The following SUDS3 variants were observed in gnomAD, a reference collection of about 807,000 sequenced individuals.
SUDS3 encodes the protein sin3 histone deacetylase corepressor complex component SDS3.
A neutral mutation model predicts 53.5 loss-of-function variants in SUDS3; 23 were observed. The observed-to-expected ratio is 0.43, with a 90% confidence interval of 0.31 to 0.61. The LOEUF (loss-of-function observed/expected upper bound fraction) is 0.61, where lower values mean the gene tolerates loss of function less well. SUDS3 is among the 20% of genes least tolerant of loss of function. The pLI, the probability that SUDS3 is intolerant of heterozygous loss-of-function variation, is 0.10. For synonymous variants in SUDS3, 150 were observed against 148.5 expected, an observed-to-expected ratio of 1.01 and a Z score of -0.08; for missense variants, 291 against 405.9, an observed-to-expected ratio of 0.72 and a Z score of 2.43.
At chr12:118,393,602 G>A (rs1325979058) in intron 6 of SUDS3, among the ~76,000 whole-genome samples, 1 of 152,004 alleles carries the variant, frequency 6.6e-6, no homozygotes, top group Non-Finnish European at 1.5e-5. Flanking sequence ...TTGATAAAAT[G>A]CAGATTCTGT....
intron 10 of SUDS3, among the ~76,000 whole-genome samples, chr12:118,406,063 T>C (rs1361920023): frequency 6.6e-6 from 1 of 152,228 alleles, no homozygotes; most frequent in East Asian, 1.9e-4. Context: ...GCCTTGGTCT[T>C]ATACTGCTTT....
At chr12:118,394,218 C>T (rs1392893334) in intron 6 of SUDS3, among the ~76,000 whole-genome samples, 2 of 152,162 alleles carry the variant, frequency 1.3e-5, no homozygotes, top group East Asian at 3.8e-4. Flanking sequence ...ATAGAACCTA[C>T]TGCAGAGGGT....
chr12:118,388,256 A>G (rs1231344824), intron 4 of SUDS3, among the ~76,000 whole-genome samples: 1 of 152,196 alleles, frequency 6.6e-6, no homozygotes, highest in Admixed American at 6.5e-5. Context: ...TCTGTCAACA[A>G]CTGTTAACAT....
At chr12:118,405,095 C>G (rs1297977696) in intron 10 of SUDS3, among the ~76,000 whole-genome samples, 2 of 152,178 alleles carry the variant, frequency 1.3e-5, no homozygotes, top group Non-Finnish European at 2.9e-5. Flanking sequence ...TGTCTCAGAA[C>G]ACATCGCCAC....
intron 6 of SUDS3, among the ~76,000 whole-genome samples, chr12:118,392,940 G>T (rs887086256): frequency 1.3e-5 from 2 of 152,212 alleles, no homozygotes; most frequent in Non-Finnish European, 2.9e-5. Flanking sequence ...GTGACTTGAG[G>T]CTGAGCCTGC....
At position 118,376,723 on chromosome 12, in the gene SUDS3, C is replaced by CGGCCCA; in HGVS notation, c.36_41dup (p.Gln13_Ala14dup). 2 of 1,524,808 alleles carry CGGCCCA rather than the reference C, an allele frequency of 1.3e-6. No individual in the cohort carries two copies. The highest frequency in any genetic ancestry group is 2.6e-5 in the East Asian group (1 of 39,072). 94.5% of individuals were successfully genotyped at this position (1,524,808 alleles called of 1,614,324 possible). A position where few individuals can be genotyped will look rare whatever the true frequency, so the allele number is the denominator to read the frequency against. Reference sequence around the variant, plus strand: ...GCCGCGGGGCTGCTGGCCCCGGCCCCGGCCCAGGCTGGAGCGCCGCCGGCC... The same window carrying CGGCCCA: ...GCCGCGGGGCTGCTGGCCCCGGCCCCGGCCCAGGCCCAGGCTGGAGCGCCGCCGGCC... On this transcript the variant is annotated inframe_insertion, in exon 1 of 12. Transcript: ENST00000543473.
chr12:118,396,101 T>G (rs1199461727), intron 6 of SUDS3, among the ~76,000 whole-genome samples: 2 of 152,202 alleles, frequency 1.3e-5, no homozygotes, highest in East Asian at 3.8e-4. Flanking sequence ...GCATGATGTC[T>G]GCTAGGATTG....
chr12:118,397,679 G>C lies in SUDS3; in HGVS notation c.518-2980G>C, dbSNP rs139778762. On this transcript the variant is annotated intron_variant, in intron 6 of 11. Transcript: ENST00000543473. ...CTTCCTTCTGCAAAGCAGTCTTTTG[G>C]ATAAAATTAATCAGATTGTTGCTGT... is the stretch of plus-strand genomic sequence containing the variant. Among the ~76,000 whole-genome samples, 938 of 152,058 alleles carry C rather than the reference G, an allele frequency of 6.2e-3. 5 individuals are homozygous for C. The highest frequency in any genetic ancestry group is 0.021 in the African/African-American group (870 of 41,450).
chr12:118,399,548 CTGATT>C (rs1441766005), intron 6 of SUDS3, among the ~76,000 whole-genome samples: 1 of 152,008 alleles, frequency 6.6e-6, no homozygotes, highest in African/African-American at 2.4e-5. Flanking sequence ...ACAAAACGAT[CTGATT>C]TGTGTCTCAG....
In SUDS3 at chr12:118,376,565, A is replaced by T. The variant is rs1406042181; in HGVS notation, c.-127A>T. The T allele has an allele frequency of 5.1e-6, 6 of 1,182,648 alleles. No homozygotes were observed. Among genetic ancestry groups the T allele is most frequent in the Non-Finnish European group, 6.4e-6 (6 of 937,210 alleles). 73.3% of individuals were successfully genotyped at this position (1,182,648 alleles called of 1,614,324 possible). ...GGGGCGGAGCTCGGCGGAGACGGGG[A>T]AGGGGTCGCCGTGGCTGCCGGTCCT... On this transcript the variant is annotated 5_prime_UTR_variant, in exon 1 of 12. Transcript: ENST00000543473.
chr12:118,412,324 G>T (rs1014736999), intron 11 of SUDS3, among the ~76,000 whole-genome samples: 1 of 152,238 alleles, frequency 6.6e-6, no homozygotes, highest in Non-Finnish European at 1.5e-5. Context: ...CTATGTGTCT[G>T]CCCTCTGTAA....
At chr12:118,390,628 T>A (rs926079981) in intron 5 of SUDS3, among the ~76,000 whole-genome samples, 1 of 152,210 alleles carries the variant, frequency 6.6e-6, no homozygotes, top group African/African-American at 2.4e-5. Flanking sequence ...CATAGGCCCC[T>A]ATGTCAGTCA....
chr12:118,413,826 A>G (rs1368710525), intron 11 of SUDS3, among the ~76,000 whole-genome samples: 2 of 152,184 alleles, frequency 1.3e-5, no homozygotes, highest in Admixed American at 1.3e-4. Flanking sequence ...TTAGCTCATT[A>G]GTGGGCATTT....
rs1449529855 is a variant in SUDS3 at position 118,415,228 on chromosome 12, C to T, written c.*795C>T. The T allele has an allele frequency of 1.3e-5, 2 of 152,236 alleles. No individual in the cohort carries two copies. The highest frequency in any genetic ancestry group is 4.8e-5 in the African/African-American group (2 of 41,450). 9.4% of individuals were successfully genotyped at this position (152,236 alleles called of 1,614,324 possible). A position where few individuals can be genotyped will look rare whatever the true frequency, so the allele number is the denominator to read the frequency against. ...GTTTTCATTTGTAATTCCTTCCTCT[C>T]CCTTGTTCCCAAGTAGGTAGTAGTA... is the stretch of plus-strand genomic sequence containing the variant. On this transcript the variant is annotated 3_prime_UTR_variant, in exon 12 of 12. Transcript: ENST00000543473.
In SUDS3 at chr12:118,416,214, T is replaced by A. The variant is rs1434759479; in HGVS notation, c.*1781T>A. On this transcript the variant is annotated 3_prime_UTR_variant, in exon 12 of 12. Coordinates refer to ENST00000543473, the MANE Select transcript of SUDS3 (RefSeq NM_022491.3). ...TTGGTTTTCATGTAGTGCCCTGCGA[T>A]GGAAATTAGATATATTTCATGTATT... The A allele has an allele frequency of 6.6e-6, 1 of 152,250 alleles. No homozygotes were observed. The highest frequency in any genetic ancestry group is 2.4e-5 in the African/African-American group (1 of 41,472). 9.4% of individuals were successfully genotyped at this position (152,250 alleles called of 1,614,324 possible).
intron 10 of SUDS3, among the ~76,000 whole-genome samples, chr12:118,409,240 G>A (rs1593783512): frequency 2.0e-5 from 3 of 151,582 alleles, no homozygotes; most frequent in South Asian, 2.1e-4. Flanking sequence ...CTCCGCCTCC[G>A]GGGTCAAGCA....
chr12:118,411,055 G>A lies in SUDS3; in HGVS notation c.804-18G>A. On this transcript the variant is annotated intron_variant, in intron 10 of 11. Coordinates refer to ENST00000543473, the MANE Select transcript of SUDS3 (RefSeq NM_022491.3). ...TCTGTCCCTCCCTTTTTAAAAATGT[G>A]TGCCTTGTTTTTGTCAGGTACCACA... 6.3e-7 allele frequency: 1 copy of A among 1,593,110 alleles called. No homozygotes were observed.
chr12:118,376,584 C>G lies in SUDS3; in HGVS notation c.-108C>G, dbSNP rs1342842917. 2 of 1,234,836 alleles carry G rather than the reference C, an allele frequency of 1.6e-6. No homozygotes were observed. The highest frequency in any genetic ancestry group is 1.0e-6 in the Non-Finnish European group (1 of 982,910). The allele number at this position is 1,234,836 out of a possible 1,614,324, so 76.5% of individuals were successfully genotyped here. A position where few individuals can be genotyped will look rare whatever the true frequency, so the allele number is the denominator to read the frequency against. ...ACGGGGAAGGGGTCGCCGTGGCTGC[C>G]GGTCCTCGAGTTGGGGGCTGCCGCG... is the stretch of plus-strand genomic sequence containing the variant. On this transcript the variant is annotated 5_prime_UTR_variant, in exon 1 of 12. Coordinates refer to ENST00000543473, the MANE Select transcript of SUDS3 (RefSeq NM_022491.3).
Position 118,377,920 on chromosome 12 carries a change from G to GA in SUDS3, c.142+1089dup, listed in dbSNP as rs2046016585. The stretch of plus-strand genomic sequence containing the variant: ...AAGGCCTCTTGACTGAAGGAGGGGA[G>GA]AAGGGTTTGTGGGGAATTGGATCTG... On this transcript the variant is annotated intron_variant, in intron 1 of 11. Coordinates refer to ENST00000543473, the MANE Select transcript of SUDS3 (RefSeq NM_022491.3). Among the ~76,000 whole-genome samples, 3 of 152,330 alleles carry GA rather than the reference G, an allele frequency of 2.0e-5. No homozygotes were observed. In the South Asian group the frequency reaches 6.2e-4, roughly 32 times the overall value.
Sources: allele counts gnomAD v4.1 joint callset (sites outside exome capture counted in the v4.1 genomes callset), GRCh38; gene constraint gnomAD v4.1.1; transcripts MANE v1.5; gene names NCBI Gene and HGNC (gene_info 2026-07-23, HGNC 2026-07-21).